The following CCDC17 variants were observed in gnomAD, a reference collection of about 807,000 sequenced individuals.
CCDC17 encodes the protein coiled-coil domain-containing protein 17.
In CCDC17, 79 loss-of-function variants were observed where a neutral mutation model predicts 68.0. The ratio of observed to expected loss-of-function variants is 1.16; its 90% CI spans 0.97 to 1.40. The LOEUF is 1.40. Ranked by LOEUF, CCDC17 falls within the 40% of genes most tolerant of loss-of-function variation. The pLI, the probability that CCDC17 is intolerant of heterozygous loss-of-function variation, is 0.00. For missense variants in CCDC17, 846 were observed against 811.5 expected (o/e 1.04, Z -0.52); for synonymous variants, 376 against 337.5 (o/e 1.11, Z -1.25).
chr1:45,621,368 A>G lies in CCDC17; in HGVS notation c.1301T>C (p.Leu434Ser). ...DGRDTGRTTA[L>S]PPALCLPPPP... is the part of the protein sequence containing the mutation. ...TGGGGGCAGGCAAAGGGCTGGGGGC[A>G]ACGCTGTGGTCCTTCCTGTATCCCG... is the stretch of plus-strand genomic sequence containing the variant. The change falls in exon 10 of 13, where the codon TTG becomes TCG. Residue 434 changes from leucine (L) to serine (S), a missense_variant. Coordinates refer to ENST00000528266, the MANE Select transcript of CCDC17 (RefSeq NM_001114938.3). 6.3e-7 allele frequency: 1 copy of G among 1,591,280 alleles called. No individual in the cohort carries two copies. The highest frequency in any genetic ancestry group is 2.3e-5 in the East Asian group (1 of 43,822).
chr1:45,623,147 G>C (rs930916910), intron 3 of CCDC17, 30 bp from the exon 4 acceptor site: 72 of 1,538,400 alleles, frequency 4.7e-5, no homozygotes, highest in Non-Finnish European at 6.1e-5. Context: ...GTCAGAACCG[G>C]CCCGAGCAAG....
intron 1 of CCDC17, 27 bp downstream of exon 1, chr1:45,623,709 C>T: frequency 6.4e-7 from 1 of 1,551,308 alleles, no homozygotes; most frequent in Non-Finnish European, 8.7e-7. Context: ...CCTTTGAATC[C>T]CCACCCATGG....
chr1:45,621,360 CT>C lies in CCDC17; in HGVS notation c.1308del (p.Ala437ProfsTer46), dbSNP rs926061422. The C allele has an allele frequency of 2.5e-6, 4 of 1,590,280 alleles. No homozygotes were observed. The highest frequency in any genetic ancestry group is 3.4e-6 in the Non-Finnish European group (4 of 1,168,446). ...RDTGRTTALP[P>X]ALCLPPPPAP... ...GCAGGAGGTGGGGGCAGGCAAAGGGCTGGGGGCAACGCTGTGGTCCTTCCTG... is the reference window on the plus strand; with the variant it reads ...GCAGGAGGTGGGGGCAGGCAAAGGGCGGGGGCAACGCTGTGGTCCTTCCTG... On this transcript the variant is annotated frameshift_variant, in exon 10 of 13. Coordinates refer to ENST00000528266, the MANE Select transcript of CCDC17 (RefSeq NM_001114938.3). LOFTEE classifies it high-confidence loss of function.
rs543922034 is a variant in CCDC17, at chr1:45,623,291, G to A, written c.419C>T (p.Ala140Val). ...GCGCCTCGCGCGAGTCCTGAACAGC[G>A]CCCGCAGCCGCTCGCTGGGGCTTCC... The part of the protein sequence containing the change: ...AVGSPSERLR[A>V]LFRTRARRVA... The change falls in exon 3 of 13, where the codon GCG becomes GTG. Residue 140 changes from alanine (A) to valine (V), a missense_variant. Physicochemically the swap from Ala to Val is moderately conservative, Grantham distance 64 (BLOSUM62 0). Transcript: ENST00000528266. 941 of 1,548,564 alleles carry A rather than the reference G, an allele frequency of 6.1e-4. 4 individuals are homozygous for A. In the African/African-American group the frequency reaches 9.7e-3, roughly 16 times the overall value.
intron 12 of CCDC17, 140 bp from the exon 13 acceptor site, chr1:45,620,573 ACATAGTAG>A (rs1644213275): frequency 2.7e-6 from 4 of 1,480,482 alleles, no homozygotes; most frequent in Non-Finnish European, 3.6e-6. Flanking sequence ...CTTATCTGTT[ACATAGTAG>A]GACTTCATAG....
intron 12 of CCDC17, 138 bp downstream of exon 12, chr1:45,620,585 T>C (rs929211149): frequency 2.7e-6 from 4 of 1,493,584 alleles, no homozygotes; most frequent in Non-Finnish European, 3.6e-6. Flanking sequence ...ATAGTAGGAC[T>C]TCATAGAGAT....
chr1:45,621,049 C>G lies in CCDC17; in HGVS notation c.1453G>C (p.Ala485Pro), dbSNP rs778302321. Residue 485 changes from alanine to proline, a missense_variant, in exon 11 of 13, where the codon GCT (alanine) becomes CCT (proline). Transcript: ENST00000528266. ...ELQVWQGLAWARAPQPKAWVS... is the reference protein window; with the variant it reads ...ELQVWQGLAWPRAPQPKAWVS... Reference sequence around the variant, plus strand: ...CAAGCCTTTGGCTGTGGTGCCCTAGCCCATGCTAGCCCCTGCCAGACCTGC... The same window carrying G: ...CAAGCCTTTGGCTGTGGTGCCCTAGGCCATGCTAGCCCCTGCCAGACCTGC... 2 of 1,614,006 alleles carry G rather than the reference C, an allele frequency of 1.2e-6. No individual in the cohort carries two copies. The highest frequency in any genetic ancestry group is 1.7e-6 in the Non-Finnish European group (2 of 1,179,878).
At chr1:45,622,126 G>A (rs1644286066) in intron 7 of CCDC17, 115 bp downstream of exon 7, 1 of 1,277,134 alleles carries the variant, frequency 7.8e-7, no homozygotes, top group Non-Finnish European at 1.1e-6. Flanking sequence ...CACACGTGCA[G>A]ACATGAACTA....
At position 45,623,796 on chromosome 1, in the gene CCDC17, C is replaced by G. The variant is rs995121140; in HGVS notation, c.114G>C (p.Pro38=). The G allele has an allele frequency of 6.4e-7, 1 of 1,551,378 alleles. No homozygotes were observed. The highest frequency in any genetic ancestry group is 2.4e-5 in the East Asian group (1 of 40,934). The change falls in exon 1 of 13, where the codon CCG becomes CCC. Residue 38 remains proline, a synonymous_variant. Transcript: ENST00000528266. ...GTGCTCCAAATGTCATCTCTTGGGT[C>G]GGGTGGCCAATGCAGAAGCGCTGAG... ...THTQRFCIGH[P]TQEMTFGAQA... is the part of the protein sequence containing the mutation.
chr1:45,620,391 C>T lies in CCDC17; in HGVS notation c.1753G>A (p.Ala585Thr), dbSNP rs1166204426. The T allele has an allele frequency of 2.5e-5, 40 of 1,600,050 alleles. No homozygotes were observed. The Middle Eastern group carries it at 5.0e-4, about 20-fold the overall frequency. The change falls in exon 13 of 13, where the codon GCA (alanine) becomes ACA (threonine). Residue 585 changes from alanine (A) to threonine (T), a missense_variant. Ala to Thr is a moderately conservative substitution (Grantham distance 58). Coordinates refer to ENST00000528266, the MANE Select transcript of CCDC17 (RefSeq NM_001114938.3). Reference sequence around the variant, plus strand: ...GGTGGGGGATCAGCAAAGCCAACTGCGGGGGTGAGGAAGCTGGCTTCCAGT... The same window carrying T: ...GGTGGGGGATCAGCAAAGCCAACTGTGGGGGTGAGGAAGCTGGCTTCCAGT... ...SSLEASFLTP[A>T]VGFADPPPRT...
At chr1:45,622,106 T>TCCCTGTATCC in intron 7 of CCDC17, 111 bp from the exon 8 acceptor site, 1 of 1,274,000 alleles carries the variant, frequency 7.8e-7, no homozygotes, top group Non-Finnish European at 1.1e-6. Context: ...GCCCTGTGGA[T>TCCCTGTATCC]ACAGGGATAC....
rs1180549699 is a variant in CCDC17 at position 45,622,544 on chromosome 1, T to TGAACAGG, written c.859+4_859+5insCCTGTTC. The TGAACAGG allele has an allele frequency of 6.4e-7, 1 of 1,551,426 alleles. No homozygotes were observed. Among genetic ancestry groups the TGAACAGG allele is most frequent in the East Asian group, 2.4e-5 (1 of 40,932 alleles). On this transcript the variant is annotated splice_donor_region_variant and intron_variant, in intron 6 of 12. Coordinates refer to ENST00000528266, the MANE Select transcript of CCDC17 (RefSeq NM_001114938.3). ...CCACCGCTGGCGAGAGGCCCTCCTG[T>TGAACAGG]TCACCTCTGCGGGTCTGCGACCGCT...
chr1:45,620,796 G>A lies in CCDC17; in HGVS notation c.1637C>T (p.Ala546Val), dbSNP rs1429903277. Residue 546 changes from alanine (A) to valine (V), a missense_variant, in exon 12 of 13, where the codon GCA (alanine) becomes GTA (valine). Coordinates refer to ENST00000528266, the MANE Select transcript of CCDC17 (RefSeq NM_001114938.3). ...QAELFLRLVN[A>V]RDAAVQTLAE... ...CAGTGTCTGTACAGCTGCATCTCTT[G>A]CATTCACCAGCCGCAGAAAGAGCTC... is the stretch of plus-strand genomic sequence containing the variant. The A allele has an allele frequency of 1.2e-6, 2 of 1,611,174 alleles. No homozygotes were observed. The highest frequency in any genetic ancestry group is 8.5e-7 in the Non-Finnish European group (1 of 1,178,748).
rs775791616 is a variant in CCDC17, at chr1:45,620,653, T to C, written c.1710+70A>G. ...CTGGCACACAGTGGTCAATAAAGGC[T>C]GGCCGTTAGCCATACCAGCCACACC... is the stretch of plus-strand genomic sequence containing the variant. On this transcript the variant is annotated intron_variant, in intron 12 of 12. Coordinates refer to ENST00000528266, the MANE Select transcript of CCDC17 (RefSeq NM_001114938.3). 23 of 1,548,692 alleles carry C rather than the reference T, an allele frequency of 1.5e-5. 1 individual carries two copies. In the South Asian group the frequency reaches 2.8e-4, roughly 19 times the overall value.
intron 12 of CCDC17, 68 bp from the exon 13 acceptor site, chr1:45,620,501 G>T: frequency 6.8e-7 from 1 of 1,473,330 alleles, no homozygotes. Flanking sequence ...TTTGGAGTTA[G>T]TTAGGCTTCC....
chr1:45,623,107 TC>T lies in CCDC17; in HGVS notation c.503del (p.Arg168HisfsTer37), dbSNP rs1644333662. On this transcript the variant is annotated frameshift_variant, in exon 4 of 13. Transcript: ENST00000528266. LOFTEE classifies it high-confidence loss of function. Reference sequence around the variant, plus strand: ...GCGTACAGGCCACAACTTGGAGGCGTCGGCTCAGTTCTGAGGGAATGCGGGC... The same window carrying T: ...GCGTACAGGCCACAACTTGGAGGCGTGGCTCAGTTCTGAGGGAATGCGGGC... ...ALQLRGEELS[R>X]RLQVVACTRG... 1 of 1,566,124 alleles carries T rather than the reference TC, an allele frequency of 6.4e-7. No homozygotes were observed. The highest frequency in any genetic ancestry group is 1.4e-5 in the African/African-American group (1 of 73,312).
Position 45,621,006 on chromosome 1 carries a change from A to G in CCDC17, c.1496T>C (p.Phe499Ser). 6.2e-7 allele frequency: 1 copy of G among 1,613,942 alleles called. No homozygotes were observed. The highest frequency in any genetic ancestry group is 8.5e-7 in the Non-Finnish European group (1 of 1,179,866). The change falls in exon 11 of 13, where the codon TTT (phenylalanine) becomes TCT (serine). Residue 499 changes from phenylalanine (F) to serine (S), a missense_variant. Physicochemically the swap from Phe to Ser is radical, Grantham distance 155 (BLOSUM62 -2). Coordinates refer to ENST00000528266, the MANE Select transcript of CCDC17 (RefSeq NM_001114938.3). The part of the protein sequence containing the change: ...QPKAWVSLGL[F>S]DQDQRVLSGR... ...ACTTAGCACCCGCTGATCTTGGTCA[A>G]ATAGTCCAAGTGAGACCCAAGCCTT...
In CCDC17 at chr1:45,621,924, G is replaced by A. The variant is rs1248252810; in HGVS notation, c.1039C>T (p.Pro347Ser). ...PKGRRDPPLL[P>S]PPVAPPLPPL... ...GGCAGCGGTGGTGCCACCGGTGGCG[G>A]GAGGAGTGGGGGATCTCTCCTCCCC... Residue 347 changes from proline (P) to serine (S), a missense_variant, in exon 8 of 13, where the codon CCG becomes TCG. By Grantham distance (74) the Pro-to-Ser change is moderately conservative. Transcript: ENST00000528266. The A allele has an allele frequency of 6.2e-7, 1 of 1,609,826 alleles. No homozygotes were observed. The highest frequency in any genetic ancestry group is 1.7e-5 in the Admixed American group (1 of 59,218).
chr1:45,621,748 G>C lies in CCDC17; in HGVS notation c.1087-13C>G. The C allele has an allele frequency of 1.2e-6, 2 of 1,612,984 alleles. No homozygotes were observed. The highest frequency in any genetic ancestry group is 2.7e-5 in the African/African-American group (2 of 75,010). ...CAGGAAGCTGTGGCTGTGGGGAAGA[G>C]AGCTGACTCCTCCAGAAAGCCTTGT... On this transcript the variant is annotated splice_polypyrimidine_tract_variant and intron_variant, in intron 8 of 12. Transcript: ENST00000528266.
Sources: gnomAD v4.1 joint callset for allele counts on GRCh38, gnomAD v4.1.1 for gene constraint, MANE v1.5 for transcripts, NCBI Gene and HGNC (gene_info 2026-07-23, HGNC 2026-07-21) for gene names.